ARRDC4: variants seen among roughly 807,000 people sequenced by gnomAD.
ARRDC4 encodes the protein arrestin domain-containing protein 4.
Under a neutral mutation model 44.6 loss-of-function variants are expected in ARRDC4, and 40 were observed. The observed-to-expected ratio is 0.90, with a 90% CI of 0.70 to 1.17. The LOEUF (loss-of-function observed/expected upper bound fraction) is 1.17. Ranked by LOEUF, ARRDC4 falls within the 50% of genes most tolerant of loss-of-function variation. The pLI is 0.00. For missense variants in ARRDC4, 550 were observed against 559.1 expected (o/e 0.98, Z 0.16); for synonymous variants, 211 against 221.2 (o/e 0.95, Z 0.41).
At position 97,970,499 on chromosome 15, in the gene ARRDC4, A is replaced by C; in HGVS notation, c.1046-90A>C. ...AAAGAATGCCATATTTTTTATCTTC[A>C]AGTTTAGCTGTTTCTTGTTTTTGTA... On this transcript the variant is annotated intron_variant, in intron 6 of 7. Coordinates refer to ENST00000268042, the MANE Select transcript of ARRDC4 (RefSeq NM_183376.3). The surrounding 1 kb of genome is among the most constrained non-coding windows in gnomAD (Gnocchi z 4.2). 1 of 1,343,688 alleles carries C rather than the reference A, an allele frequency of 7.4e-7. No homozygotes were observed. Among genetic ancestry groups the C allele is most frequent in the Non-Finnish European group, 1.0e-6 (1 of 979,824 alleles). 83.2% of individuals were successfully genotyped at this position (1,343,688 alleles called of 1,614,324 possible).
In ARRDC4 at chr15:97,965,804, A is replaced by G; in HGVS notation, c.375-91A>G. On this transcript the variant is annotated intron_variant, in intron 2 of 7. Transcript: ENST00000268042. This position sits in a 1 kb window ranked among gnomAD's most constrained non-coding sequence, Gnocchi z 5.1. ...CCCTAAATAGACTTACTCTTTTTTT[A>G]TTTCCAACCTAAAACATTTTAAACC... 1.3e-6 allele frequency: 2 copies of G among 1,534,726 alleles called. No homozygotes were observed. The highest frequency in any genetic ancestry group is 8.9e-7 in the Non-Finnish European group (1 of 1,122,166).
chr15:97,962,763 A>G (rs961005972), intron 1 of ARRDC4, among the ~76,000 whole-genome samples: 6 of 151,952 alleles, frequency 3.9e-5, no homozygotes, highest in Non-Finnish European at 5.9e-5. Flanking sequence ...TTAGTTGGGG[A>G]AAAAAAATAA....
chr15:97,968,674 C>T lies in ARRDC4; in HGVS notation c.626-449C>T, dbSNP rs1289239993. 1.3e-5 allele frequency among the ~76,000 whole-genome samples: 2 copies of T among 152,216 alleles called. No individual in the cohort carries two copies. Among genetic ancestry groups the T allele is most frequent in the Non-Finnish European group, 2.9e-5 (2 of 68,030 alleles). ...GATGTGCAGCCATAATGTTATAAAA[C>T]TTGCCTAATCCATCCGTTGATTCTT... On this transcript the variant is annotated intron_variant, in intron 4 of 7. Transcript: ENST00000268042. This position sits in a 1 kb window ranked among gnomAD's most constrained non-coding sequence, Gnocchi z 5.4.
At chr15:97,961,281 T>C (rs1289333583) in intron 1 of ARRDC4, 113 bp downstream of exon 1, 24 of 1,017,096 alleles carry the variant, frequency 2.4e-5, no homozygotes, top group Non-Finnish European at 2.6e-5. Context: ...AGGGCGGGCT[T>C]CCGGGGGTGG....
Position 97,965,569 on chromosome 15 carries a change from C to A in ARRDC4, c.308-31C>A. On this transcript the variant is annotated intron_variant, in intron 1 of 7. Coordinates refer to ENST00000268042, the MANE Select transcript of ARRDC4 (RefSeq NM_183376.3). The surrounding 1 kb of genome is among the most constrained non-coding windows in gnomAD (Gnocchi z 5.1). ...AACTCTTGATCTAATACTAACTATCCTTCATTAAAATAAAATACAATCTCT... is the reference window on the plus strand; with the variant it reads ...AACTCTTGATCTAATACTAACTATCATTCATTAAAATAAAATACAATCTCT... The A allele has an allele frequency of 6.5e-7, 1 of 1,540,230 alleles. No homozygotes were observed. Among genetic ancestry groups the A allele is most frequent in the South Asian group, 1.1e-5 (1 of 89,316 alleles).
At chr15:97,962,231 G>C (rs961885083) in intron 1 of ARRDC4, among the ~76,000 whole-genome samples, 2 of 152,110 alleles carry the variant, frequency 1.3e-5, no homozygotes, top group Non-Finnish European at 2.9e-5. Context: ...TGAACTCCTC[G>C]AGGTAAGTGA....
intron 1 of ARRDC4, among the ~76,000 whole-genome samples, chr15:97,964,307 TA>T (rs1345497186): frequency 6.6e-6 from 1 of 152,182 alleles, no homozygotes; most frequent in East Asian, 1.9e-4. Flanking sequence ...AGTGAATGGA[TA>T]AAGTAGAAAT....
rs1180493643 is a variant in ARRDC4 at position 97,960,777 on chromosome 15, G to A, written c.-85G>A. ...GCGGCGGCCTTACCCTGCCGCGAGC[G>A]CCTGTGACAGCGGCGCCGCTGTGCT... On this transcript the variant is annotated 5_prime_UTR_variant, in exon 1 of 8. Transcript: ENST00000268042. The A allele has an allele frequency of 2.5e-6, 3 of 1,194,886 alleles. No homozygotes were observed. Among genetic ancestry groups the A allele is most frequent in the Non-Finnish European group, 3.2e-6 (3 of 949,034 alleles). 74.0% of individuals were successfully genotyped at this position (1,194,886 alleles called of 1,614,324 possible). A position where few individuals can be genotyped will look rare whatever the true frequency, so the allele number is the denominator to read the frequency against.
rs550741570 is a variant in ARRDC4 at position 97,972,254 on chromosome 15, C to G, written c.*1067C>G. ...AATATATGTATACCTAAGAGAATGTCAAAATAAACACCAAACCAAAAGAAG... is the reference window on the plus strand; with the variant it reads ...AATATATGTATACCTAAGAGAATGTGAAAATAAACACCAAACCAAAAGAAG... On this transcript the variant is annotated 3_prime_UTR_variant, in exon 8 of 8. Transcript: ENST00000268042. The surrounding 1 kb of genome is among the most constrained non-coding windows in gnomAD (Gnocchi z 5.3). 1 of 152,608 alleles carries G rather than the reference C, an allele frequency of 6.6e-6. No individual in the cohort carries two copies. Among genetic ancestry groups the G allele is most frequent in the African/African-American group, 2.4e-5 (1 of 41,520 alleles). 9.5% of individuals were successfully genotyped at this position (152,608 alleles called of 1,614,324 possible).
Position 97,970,461 on chromosome 15 carries a change from G to A in ARRDC4, c.1046-128G>A. On this transcript the variant is annotated intron_variant, in intron 6 of 7. Transcript: ENST00000268042. This position sits in a 1 kb window ranked among gnomAD's most constrained non-coding sequence, Gnocchi z 4.2. Reference sequence around the variant, plus strand: ...TTTATTGTAATATGCATAAAACCTTGCTGATTAGAGGGAAAGAATGCCATA... The same window carrying A: ...TTTATTGTAATATGCATAAAACCTTACTGATTAGAGGGAAAGAATGCCATA... 1.1e-6 allele frequency: 1 copy of A among 931,068 alleles called. No homozygotes were observed. Among genetic ancestry groups the A allele is most frequent in the Non-Finnish European group, 1.6e-6 (1 of 634,396 alleles). 57.7% of individuals were successfully genotyped at this position (931,068 alleles called of 1,614,324 possible). A position where few individuals can be genotyped will look rare whatever the true frequency, so the allele number is the denominator to read the frequency against.
At position 97,965,662 on chromosome 15, in the gene ARRDC4, T is replaced by A. The variant is rs774236442; in HGVS notation, c.370T>A (p.Ser124Thr). Residue 124 changes from serine to threonine, a missense_variant, in exon 2 of 8, where the codon TCT becomes ACT. Coordinates refer to ENST00000268042, the MANE Select transcript of ARRDC4 (RefSeq NM_183376.3). This position sits in a 1 kb window ranked among gnomAD's most constrained non-coding sequence, Gnocchi z 5.1. ...HEFPFRFQLP[S>T]EPLVTSFTGK... ...ATTTCCATTTCGCTTTCAACTTCCATCTGAGTAAGTGAAACACTACAATTT... is the reference window on the plus strand; with the variant it reads ...ATTTCCATTTCGCTTTCAACTTCCAACTGAGTAAGTGAAACACTACAATTT... 5 of 1,612,984 alleles carry A rather than the reference T, an allele frequency of 3.1e-6. No individual in the cohort carries two copies. The highest frequency in any genetic ancestry group is 1.7e-5 in the Admixed American group (1 of 60,024).
rs1452700138 is a variant in ARRDC4 at position 97,970,591 on chromosome 15, CCA to C, written c.1050_1051del (p.Pro351LysfsTer13). On this transcript the variant is annotated frameshift_variant, in exon 7 of 8. Transcript: ENST00000268042. LOFTEE classifies it high-confidence loss of function. The surrounding 1 kb of genome is among the most constrained non-coding windows in gnomAD (Gnocchi z 4.2). ...CTCCAACTTCATTTCTATTTCAGCACCACCAAATTATGCAGATGTGGTATCAG... is the reference window on the plus strand; with the variant it reads ...CTCCAACTTCATTTCTATTTCAGCACCCAAATTATGCAGATGTGGTATCAG... ...TLTLPEQPEAPPNYADVVSEE... is the reference protein window; with the variant it reads ...TLTLPEQPEAXPNYADVVSEE... 6.2e-7 allele frequency: 1 copy of C among 1,606,100 alleles called. No homozygotes were observed. Among genetic ancestry groups the C allele is most frequent in the Admixed American group, 1.7e-5 (1 of 58,766 alleles).
rs780629877 is a variant in ARRDC4, at chr15:97,969,931, T to A, written c.931T>A (p.Leu311Ile). Reference protein sequence around the residue: ...GAKKLMLELPLVIGTIPYNGF... With the variant: ...GAKKLMLELPIVIGTIPYNGF... Reference sequence around the variant, plus strand: ...TAAAAAATTGATGCTCGAACTGCCATTAGTGATCGGTACAATTCCATATAA... The same window carrying A: ...TAAAAAATTGATGCTCGAACTGCCAATAGTGATCGGTACAATTCCATATAA... The change falls in exon 6 of 8, where the codon TTA becomes ATA. Residue 311 changes from leucine to isoleucine, a missense_variant. Leu to Ile is a conservative substitution (Grantham distance 5, BLOSUM62 2). Coordinates refer to ENST00000268042, the MANE Select transcript of ARRDC4 (RefSeq NM_183376.3). 6.2e-7 allele frequency: 1 copy of A among 1,610,618 alleles called. No individual in the cohort carries two copies. The highest frequency in any genetic ancestry group is 1.1e-5 in the South Asian group (1 of 90,868).
In ARRDC4 at chr15:97,970,816, TAG is replaced by T; in HGVS notation, c.1200+76_1200+77del. The T allele has an allele frequency of 1.3e-6, 2 of 1,489,792 alleles. No homozygotes were observed. Among genetic ancestry groups the T allele is most frequent in the East Asian group, 2.3e-5 (1 of 44,034 alleles). 92.3% of individuals were successfully genotyped at this position (1,489,792 alleles called of 1,614,324 possible). A position where few individuals can be genotyped will look rare whatever the true frequency, so the allele number is the denominator to read the frequency against. Reference sequence around the variant, plus strand: ...TAATCATTTTTTGTCATCCGTTCATTAGAGTGTCTGTTGCTGACTCATAATTA... The same window carrying T: ...TAATCATTTTTTGTCATCCGTTCATTAGTGTCTGTTGCTGACTCATAATTA... On this transcript the variant is annotated intron_variant, in intron 7 of 7. Transcript: ENST00000268042. This position sits in a 1 kb window ranked among gnomAD's most constrained non-coding sequence, Gnocchi z 4.2.
intron 1 of ARRDC4, among the ~76,000 whole-genome samples, 175 bp downstream of exon 1, chr15:97,961,343 G>A (rs1899315072): frequency 1.3e-5 from 2 of 152,174 alleles, no homozygotes; most frequent in South Asian, 2.1e-4. Context: ...TGGGTGCGCA[G>A]CTCTTCCTGG....
At position 97,960,783 on chromosome 15, in the gene ARRDC4, G is replaced by A; in HGVS notation, c.-79G>A. ...GCCTTACCCTGCCGCGAGCGCCTGT[G>A]ACAGCGGCGCCGCTGTGCTCGCGAC... On this transcript the variant is annotated 5_prime_UTR_variant, in exon 1 of 8. Coordinates refer to ENST00000268042, the MANE Select transcript of ARRDC4 (RefSeq NM_183376.3). 8.2e-7 allele frequency: 1 copy of A among 1,213,624 alleles called. No individual in the cohort carries two copies. The allele number at this position is 1,213,624 out of a possible 1,614,324, so 75.2% of individuals were successfully genotyped here.
rs1412000229 is a variant in ARRDC4, at chr15:97,968,588, G to T, written c.625+472G>T. ...TAGTGAAGGGCCCATTTCCAGCAGT[G>T]GATTTGGCCCCTGCTCCAGGATTCT... is the stretch of plus-strand genomic sequence containing the variant. On this transcript the variant is annotated intron_variant, in intron 4 of 7. Coordinates refer to ENST00000268042, the MANE Select transcript of ARRDC4 (RefSeq NM_183376.3). The surrounding 1 kb of genome is among the most constrained non-coding windows in gnomAD (Gnocchi z 5.4). 6.6e-6 allele frequency among the ~76,000 whole-genome samples: 1 copy of T among 152,202 alleles called. No homozygotes were observed. Among genetic ancestry groups the T allele is most frequent in the Non-Finnish European group, 1.5e-5 (1 of 68,032 alleles).
rs1899419095 is a variant in ARRDC4, at chr15:97,966,316, C to T, written c.522+274C>T. Among the ~76,000 whole-genome samples, 1 of 152,148 alleles carries T rather than the reference C, an allele frequency of 6.6e-6. No homozygotes were observed. Among genetic ancestry groups the T allele is most frequent in the South Asian group, 2.1e-4 (1 of 4,818 alleles). On this transcript the variant is annotated intron_variant, in intron 3 of 7. Transcript: ENST00000268042. The surrounding 1 kb of genome is among the most constrained non-coding windows in gnomAD (Gnocchi z 4.7). ...CAAAAAGTTACACAGGCTTGAAATG[C>T]ATTAATAAGGCTTAATAACAATAAT...
chr15:97,964,358 T>C (rs1246475172), intron 1 of ARRDC4, among the ~76,000 whole-genome samples: 1 of 152,202 alleles, frequency 6.6e-6, no homozygotes, highest in African/African-American at 2.4e-5. Context: ...ATCTCAGAGT[T>C]CTGTCTCTGT....
Sources: gnomAD v4.1 joint callset for allele counts (sites outside exome capture counted in the v4.1 genomes callset) on GRCh38, gnomAD v4.1.1 for gene constraint, Gnocchi (gnomAD v3.1) non-coding constraint, MANE v1.5 for transcripts, NCBI Gene and HGNC (gene_info 2026-07-23, HGNC 2026-07-21) for gene names.